PTPDC1: variants seen among roughly 807,000 people sequenced by gnomAD.
The protein encoded by PTPDC1 is protein tyrosine phosphatase domain containing 1.
Under a neutral mutation model 75.3 loss-of-function variants are expected in PTPDC1, and 53 were observed. The observed-to-expected ratio is 0.70, with a 90% CI of 0.56 to 0.88. The LOEUF is 0.88. Ranked by LOEUF, PTPDC1 falls within the 40% of genes least tolerant of loss-of-function variation. The pLI is 0.00. For synonymous variants in PTPDC1, 349 were observed against 366.2 expected, an observed-to-expected ratio of 0.95 and a Z score of 0.54; for missense variants, 925 against 998.6, an observed-to-expected ratio of 0.93 and a Z score of 0.99.
At chr9:94,033,150 C>T (rs1028003970) in intron 1 of PTPDC1, among the ~76,000 whole-genome samples, 1 of 152,090 alleles carries the variant, frequency 6.6e-6, no homozygotes. Flanking sequence ...TATGAGCCAC[C>T]GTCCCCAGCC....
At chr9:94,041,870 T>C (rs1281934305) in intron 1 of PTPDC1, among the ~76,000 whole-genome samples, 1 of 152,236 alleles carries the variant, frequency 6.6e-6, no homozygotes, top group Non-Finnish European at 1.5e-5. Flanking sequence ...AGATTTGCTC[T>C]GATATGCTCA....
intron 1 of PTPDC1, among the ~76,000 whole-genome samples, chr9:94,047,158 T>C (rs1015769262): frequency 8.5e-5 from 13 of 152,292 alleles, no homozygotes; most frequent in African/African-American, 2.2e-4. Flanking sequence ...TATTGATTTG[T>C]GTATGTTGAA....
intron 2 of PTPDC1, among the ~76,000 whole-genome samples, chr9:94,075,996 T>A (rs1826671879): frequency 7.7e-6 from 1 of 130,226 alleles, no homozygotes; most frequent in African/African-American, 2.5e-5. Flanking sequence ...GTGTGTGTTT[T>A]GTTTGTTTGT....
intron 2 of PTPDC1, among the ~76,000 whole-genome samples, chr9:94,071,214 C>A (rs908546073): frequency 1.3e-5 from 2 of 152,166 alleles, no homozygotes; most frequent in Non-Finnish European, 2.9e-5. Context: ...TAGAGCAGTT[C>A]TATAGTGGTG....
At position 94,060,812 on chromosome 9, in the gene PTPDC1, C is replaced by A. The variant is rs550237572; in HGVS notation, c.-6-3922C>A. Among the ~76,000 whole-genome samples, 13 of 152,284 alleles carry A rather than the reference C, an allele frequency of 8.5e-5. No homozygotes were observed. In the East Asian group the frequency reaches 2.3e-3, roughly 27 times the overall value. ...GAGAACTCTGCCCCCACCCATGATC[C>A]AGTTACCTCCCACCAAGCCCCACCT... On this transcript the variant is annotated intron_variant, in intron 1 of 9. Coordinates refer to the PTPDC1 transcript ENST00000375360.
chr9:94,107,926 C>T lies in PTPDC1; in HGVS notation c.2409C>T (p.Gly803=), dbSNP rs1186992104. Residue 803 remains glycine (G), a synonymous_variant, in exon 9 of 9, where the codon GGC becomes GGT. Coordinates refer to ENST00000620992, the MANE Select transcript of PTPDC1 (RefSeq NM_001253829.2). The stretch of plus-strand genomic sequence containing the variant: ...AAAAAAGAAAAATGACAAAAGATGG[C>T]CCTAAGCCTGGCCTCTAGCTTTCAC... ...LEEKRKMTKD[G]PKPGL is the part of the protein sequence containing the mutation. 5 of 1,595,406 alleles carry T rather than the reference C, an allele frequency of 3.1e-6. No individual in the cohort carries two copies. The highest frequency in any genetic ancestry group is 4.3e-6 in the Non-Finnish European group (5 of 1,169,896).
In PTPDC1 at chr9:94,084,554, G is replaced by A; in HGVS notation, c.24G>A (p.Arg8=). The A allele has an allele frequency of 6.2e-7, 1 of 1,612,346 alleles. No homozygotes were observed. Among genetic ancestry groups the A allele is most frequent in the Non-Finnish European group, 8.5e-7 (1 of 1,179,980 alleles). MQVQDAT[R]RPSAVRFLSS... is the part of the protein sequence containing the mutation. ...CCATGCAGGTGCAGGATGCAACCAG[G>A]CGGCCCTCAGCCGTGCGCTTCCTCA... Residue 8 remains arginine (R), a synonymous_variant, in exon 1 of 9, where the codon AGG becomes AGA. Transcript: ENST00000620992.
chr9:94,046,501 T>C (rs980431036), intron 1 of PTPDC1, among the ~76,000 whole-genome samples: 2 of 152,218 alleles, frequency 1.3e-5, no homozygotes, highest in African/African-American at 4.8e-5. Context: ...TCCATTTGTT[T>C]GTATCCTCTT....
intron 1 of PTPDC1, among the ~76,000 whole-genome samples, chr9:94,042,824 C>A (rs1825465785): frequency 6.6e-6 from 1 of 152,192 alleles, no homozygotes; most frequent in Admixed American, 6.5e-5. Context: ...TCCTCTTAAA[C>A]CCTGCCACTG....
intron 1 of PTPDC1, among the ~76,000 whole-genome samples, chr9:94,036,026 TTTTTTTTTG>T (rs1825254835): frequency 2.1e-5 from 3 of 143,998 alleles, no homozygotes. Flanking sequence ...ATTATTTGTT[TTTTTTTTTG>T]TTTTTTTTTT....
chr9:94,107,986 A>G lies in PTPDC1; in HGVS notation c.*42A>G. 1 of 1,197,600 alleles carries G rather than the reference A, an allele frequency of 8.4e-7. No individual in the cohort carries two copies. Among genetic ancestry groups the G allele is most frequent in the Non-Finnish European group, 1.2e-6 (1 of 850,766 alleles). 74.2% of individuals were successfully genotyped at this position (1,197,600 alleles called of 1,614,324 possible). A position where few individuals can be genotyped will look rare whatever the true frequency, so the allele number is the denominator to read the frequency against. ...ATATTTCAGACCTAAAGATCCAGAT[A>G]GTATCTCTGTTCATATGTGAATAAG... is the stretch of plus-strand genomic sequence containing the variant. On this transcript the variant is annotated 3_prime_UTR_variant, in exon 9 of 9. Transcript: ENST00000620992.
intron 8 of PTPDC1, among the ~76,000 whole-genome samples, chr9:94,107,296 G>A (rs967377526): frequency 6.6e-6 from 1 of 152,168 alleles, no homozygotes. Context: ...TAGACTCATA[G>A]ATACGCTATC....
At chr9:94,047,586 A>T (rs1488664407) in intron 1 of PTPDC1, among the ~76,000 whole-genome samples, 1 of 152,226 alleles carries the variant, frequency 6.6e-6, no homozygotes, top group Admixed American at 6.5e-5. Flanking sequence ...ACTGAAGGAA[A>T]TAGAGACACA....
At chr9:94,049,248 T>TC (rs1253991420) in intron 1 of PTPDC1, among the ~76,000 whole-genome samples, 1 of 152,150 alleles carries the variant, frequency 6.6e-6, no homozygotes, top group African/African-American at 2.4e-5. Flanking sequence ...CCTGTCAAAT[T>TC]CACTAACCTG....
chr9:94,071,329 G>A (rs1826505749), intron 2 of PTPDC1, among the ~76,000 whole-genome samples: 1 of 151,698 alleles, frequency 6.6e-6, no homozygotes, highest in Admixed American at 6.6e-5. Flanking sequence ...ATCTGTGCAT[G>A]TCTTTTATCC....
intron 1 of PTPDC1, among the ~76,000 whole-genome samples, chr9:94,062,835 G>A (rs2117860715): frequency 6.6e-6 from 1 of 152,316 alleles, no homozygotes; most frequent in African/African-American, 2.4e-5. Flanking sequence ...CATGTTTTCG[G>A]TAGGCTTTAG....
At chr9:94,030,905 ACC>A (rs1180041254) in exon 1 of PTPDC1, 2 of 151,976 alleles carry the variant, frequency 1.3e-5, no homozygotes, top group Non-Finnish European at 2.9e-5. Context: ...CTGGGCTGGG[ACC>A]CCTCTGCCTC....
rs924052503 is a variant in PTPDC1, at chr9:94,034,303, G to A, written c.-7+3176G>A. On this transcript the variant is annotated intron_variant, in intron 1 of 9. Transcript: ENST00000375360. Reference sequence around the variant, plus strand: ...TTCCAGCACTTTGGGAGACTGAGACGGGTGGATCACCTGAGGTCAGGAGTT... The same window carrying A: ...TTCCAGCACTTTGGGAGACTGAGACAGGTGGATCACCTGAGGTCAGGAGTT... 3.9e-5 allele frequency among the ~76,000 whole-genome samples: 6 copies of A among 152,116 alleles called. 1 individual carries two copies. Among genetic ancestry groups the A allele is most frequent in the Non-Finnish European group, 7.4e-5 (5 of 68,022 alleles).
chr9:94,077,756 G>A (rs990511950), intron 2 of PTPDC1, among the ~76,000 whole-genome samples: 5 of 152,124 alleles, frequency 3.3e-5, no homozygotes, highest in Non-Finnish European at 5.9e-5. Context: ...TTAACCTTCA[G>A]CCCTCTCCCC....
Sources: allele counts gnomAD v4.1 joint callset (sites outside exome capture counted in the v4.1 genomes callset), GRCh38; gene constraint gnomAD v4.1.1; transcripts MANE v1.5; gene names NCBI Gene and HGNC (gene_info 2026-07-23, HGNC 2026-07-21).